SIK2: variants seen among roughly 807,000 people sequenced by gnomAD.
The protein encoded by SIK2 is serine/threonine-protein kinase SIK2.
Under a neutral mutation model 103.2 loss-of-function variants are expected in SIK2, and 29 were observed. The observed-to-expected ratio is 0.28, with a 90% CI of 0.21 to 0.38. The LOEUF (loss-of-function observed/expected upper bound fraction) is 0.38. SIK2 is among the 10% of genes least tolerant of loss of function. The probability of loss-of-function intolerance (pLI) is 1.00; values close to 1 mark genes in which losing one functional copy is unlikely to be tolerated. For synonymous variants in SIK2, 412 were observed against 446.1 expected (o/e 0.92, Z 0.96); for missense variants, 879 against 1,171.0 (o/e 0.75, Z 3.64).
intron 1 of SIK2, among the ~76,000 whole-genome samples, chr11:111,613,469 AG>A (rs1455972486): frequency 6.6e-6 from 1 of 152,144 alleles, no homozygotes; most frequent in Non-Finnish European, 1.5e-5. Flanking sequence ...GATCTTCCTA[AG>A]GAATATTGAG....
rs78918065 is a variant in SIK2, at chr11:111,648,544, C to T, written c.316+28142C>T. On this transcript the variant is annotated intron_variant, in intron 3 of 14. Transcript: ENST00000304987. Reference sequence around the variant, plus strand: ...TATCACATCAGGGATTAGATTTCAACGTATTAATTTTGGGGAAACACAAAC... The same window carrying T: ...TATCACATCAGGGATTAGATTTCAATGTATTAATTTTGGGGAAACACAAAC... 3.2e-3 allele frequency among the ~76,000 whole-genome samples: 490 copies of T among 151,958 alleles called. 17 individuals carry two copies. In the East Asian group the frequency reaches 0.071, roughly 22 times the overall value.
At chr11:111,675,785 G>A (rs968399672) in intron 3 of SIK2, among the ~76,000 whole-genome samples, 3 of 152,152 alleles carry the variant, frequency 2.0e-5, no homozygotes, top group African/African-American at 7.2e-5. Context: ...GCGAGTACAT[G>A]TTCAGGTTTG....
rs1411788029 is a variant in SIK2, at chr11:111,604,631, A to G, written c.135+1933A>G. ...TGGTTTGGCTATCAGAGTGAGATCAATGCATTCATTTGTAATTGGAACAAG... is the reference window on the plus strand; with the variant it reads ...TGGTTTGGCTATCAGAGTGAGATCAGTGCATTCATTTGTAATTGGAACAAG... On this transcript the variant is annotated intron_variant, in intron 1 of 14. Coordinates refer to ENST00000304987, the MANE Select transcript of SIK2 (RefSeq NM_015191.3). Among the ~76,000 whole-genome samples the G allele has an allele frequency of 5.3e-5, 8 of 152,338 alleles. No individual in the cohort carries two copies. The South Asian group carries it at 1.7e-3, about 32-fold the overall frequency.
Position 111,723,754 on chromosome 11 carries a change from G to A in SIK2, c.2406G>A (p.Leu802=). 1 of 1,614,046 alleles carries A rather than the reference G, an allele frequency of 6.2e-7. No individual in the cohort carries two copies. The highest frequency in any genetic ancestry group is 8.5e-7 in the Non-Finnish European group (1 of 1,180,054). Reference sequence around the variant, plus strand: ...ACCAAGAGATGCAGCTTCAGCCCCTGCCCTCCACTTCCGGTCCCCGGGCTG... The same window carrying A: ...ACCAAGAGATGCAGCTTCAGCCCCTACCCTCCACTTCCGGTCCCCGGGCTG... The part of the protein sequence containing the change: ...SQYQEMQLQP[L]PSTSGPRAAP... Residue 802 remains leucine (L), a synonymous_variant, in exon 15 of 15, where the codon CTG becomes CTA. Transcript: ENST00000304987.
At chr11:111,698,946 A>G (rs1344637582) in intron 4 of SIK2, among the ~76,000 whole-genome samples, 1 of 152,206 alleles carries the variant, frequency 6.6e-6, no homozygotes, top group Non-Finnish European at 1.5e-5. Flanking sequence ...TTGACTCATG[A>G]GAACATCTAG....
rs1944109332 is a variant in SIK2 at position 111,729,476 on chromosome 11, T to C, written c.*5347T>C. On this transcript the variant is annotated 3_prime_UTR_variant, in exon 15 of 15. Coordinates refer to ENST00000304987, the MANE Select transcript of SIK2 (RefSeq NM_015191.3). ...AGATACTGTCCTTATTTTTCACAGC[T>C]GAAGAAACCAAAGCTTTGGGAAGTT... is the stretch of plus-strand genomic sequence containing the variant. The C allele has an allele frequency of 6.6e-6, 1 of 152,276 alleles. No homozygotes were observed. Among genetic ancestry groups the C allele is most frequent in the African/African-American group, 2.4e-5 (1 of 41,466 alleles). The allele number at this position is 152,276 out of a possible 1,614,324, so 9.4% of individuals were successfully genotyped here.
intron 2 of SIK2, among the ~76,000 whole-genome samples, chr11:111,618,506 A>G (rs1346514533): frequency 2.0e-5 from 3 of 152,146 alleles, no homozygotes; most frequent in Non-Finnish European, 4.4e-5. Flanking sequence ...CTCTTAGATC[A>G]AATTTATATC....
At chr11:111,655,855 C>G (rs1222763968) in intron 3 of SIK2, among the ~76,000 whole-genome samples, 1 of 152,038 alleles carries the variant, frequency 6.6e-6, no homozygotes, top group Non-Finnish European at 1.5e-5. Flanking sequence ...GCATACCCCA[C>G]AGCATATTGT....
chr11:111,614,532 GA>G, intron 1 of SIK2, among the ~76,000 whole-genome samples: 1 of 152,116 alleles, frequency 6.6e-6, no homozygotes, highest in Non-Finnish European at 1.5e-5. Flanking sequence ...AAAATGTTAA[GA>G]AAATAACAAG....
chr11:111,701,660 A>G lies in SIK2; in HGVS notation c.727+85A>G. 6.6e-7 allele frequency: 1 copy of G among 1,512,760 alleles called. No homozygotes were observed. Among genetic ancestry groups the G allele is most frequent in the Non-Finnish European group, 8.9e-7 (1 of 1,123,172 alleles). The allele number at this position is 1,512,760 out of a possible 1,614,324, so 93.7% of individuals were successfully genotyped here. On this transcript the variant is annotated intron_variant, in intron 6 of 14. Coordinates refer to ENST00000304987, the MANE Select transcript of SIK2 (RefSeq NM_015191.3). This position sits in a 1 kb window ranked among gnomAD's most constrained non-coding sequence, Gnocchi z 4.2. Reference sequence around the variant, plus strand: ...CCTAGGTAAAAGCTTCTTTTTTTCTAAGAGTTTGGGTGCCAAATAAAGTGA... The same window carrying G: ...CCTAGGTAAAAGCTTCTTTTTTTCTGAGAGTTTGGGTGCCAAATAAAGTGA...
intron 4 of SIK2, among the ~76,000 whole-genome samples, chr11:111,691,396 G>A (rs964972932): frequency 2.0e-5 from 3 of 152,044 alleles, no homozygotes; most frequent in African/African-American, 4.8e-5. Flanking sequence ...CTTGGGAGCC[G>A]CTTAGCTATT....
intron 8 of SIK2, among the ~76,000 whole-genome samples, chr11:111,708,253 G>A (rs1413631833): frequency 6.6e-6 from 1 of 152,044 alleles, no homozygotes; most frequent in Non-Finnish European, 1.5e-5. Flanking sequence ...ATGGTAGTGC[G>A]TGCTTATAAT....
At position 111,625,888 on chromosome 11, in the gene SIK2, T is replaced by C. The variant is rs150999073; in HGVS notation, c.316+5486T>C. On this transcript the variant is annotated intron_variant, in intron 3 of 14. Coordinates refer to ENST00000304987, the MANE Select transcript of SIK2 (RefSeq NM_015191.3). ...GCCCATTGGAACATTTTTAAAGCTT[T>C]GGACTGTAGTTTTACAAGTAAAGTA... Among the ~76,000 whole-genome samples the C allele has an allele frequency of 2.6e-5, 4 of 152,330 alleles. No homozygotes were observed. The East Asian group carries it at 5.8e-4, about 22-fold the overall frequency.
chr11:111,622,329 C>T (rs983266614), intron 3 of SIK2, among the ~76,000 whole-genome samples: 4 of 130,838 alleles, frequency 3.1e-5, no homozygotes, highest in African/African-American at 1.1e-4. Flanking sequence ...GATCTCAGCT[C>T]ACTGCAAGCT....
intron 7 of SIK2, among the ~76,000 whole-genome samples, chr11:111,704,033 T>C (rs1209504842): frequency 6.6e-6 from 1 of 152,208 alleles, no homozygotes; most frequent in African/African-American, 2.4e-5. Context: ...CAAACAGTGC[T>C]CTTCAGGAAG....
intron 3 of SIK2, among the ~76,000 whole-genome samples, chr11:111,675,750 C>T (rs949270104): frequency 1.2e-4 from 18 of 152,076 alleles, no homozygotes; most frequent in Non-Finnish European, 2.5e-4. Flanking sequence ...TTTTTTCTTT[C>T]TTCCAATTTT....
intron 9 of SIK2, among the ~76,000 whole-genome samples, chr11:111,715,793 C>CTTT (rs535843069): frequency 0.011 from 900 of 81,676 alleles, 6 homozygotes; most frequent in East Asian, 0.016. Context: ...TCATTTTTAG[C>CTTT]TTTTTTTTTT....
intron 3 of SIK2, among the ~76,000 whole-genome samples, chr11:111,677,427 T>G (rs1241792076): frequency 6.6e-6 from 1 of 151,440 alleles, no homozygotes; most frequent in East Asian, 1.9e-4. Flanking sequence ...TTGTTTTTTG[T>G]TTTTTTTGGA....
At chr11:111,720,038 A>T (rs375530421) in intron 10 of SIK2, 35 bp downstream of exon 10, 30 of 1,583,210 alleles carry the variant, frequency 1.9e-5, no homozygotes, top group Middle Eastern at 1.8e-4. Context: ...TTGAGTCTTC[A>T]TGGCATCATG....
Sources: allele counts gnomAD v4.1 joint callset (sites outside exome capture counted in the v4.1 genomes callset), GRCh38; gene constraint gnomAD v4.1.1; non-coding constraint Gnocchi (gnomAD v3.1); transcripts MANE v1.5; gene names NCBI Gene and HGNC (gene_info 2026-07-23, HGNC 2026-07-21).